CSMD1: variants seen among roughly 807,000 people sequenced by gnomAD.
CSMD1 encodes the protein CUB and sushi domain-containing protein 1.
In CSMD1, 213 loss-of-function variants were observed where a neutral mutation model predicts 417.5. The ratio of observed to expected loss-of-function variants is 0.51; its 90% CI spans 0.46 to 0.57. The LOEUF (loss-of-function observed/expected upper bound fraction) is 0.57. Ranked by LOEUF, CSMD1 falls within the 20% of genes least tolerant of loss-of-function variation. The probability of loss-of-function intolerance (pLI) is 0.00; values close to 1 mark genes in which losing one functional copy is unlikely to be tolerated. For missense variants in CSMD1, 6,923 were observed against 4,529.7 expected (o/e 1.53, Z -15.17); for synonymous variants, 2,862 against 1,736.8 (o/e 1.65, Z -16.11).
chr8:4,447,762 T>C (rs1312384575), intron 2 of CSMD1, among the ~76,000 whole-genome samples: 2 of 152,190 alleles, frequency 1.3e-5, no homozygotes, highest in East Asian at 1.9e-4. Flanking sequence ...CTTTTGCAGT[T>C]ATGTATCAAG....
At chr8:4,810,556 T>C (rs1385494723) in intron 1 of CSMD1, among the ~76,000 whole-genome samples, 1 of 152,178 alleles carries the variant, frequency 6.6e-6, no homozygotes, top group Non-Finnish European at 1.5e-5. Flanking sequence ...CGCGCGTATG[T>C]GTGTGTATGT....
chr8:4,613,692 A>G (rs576617487), intron 2 of CSMD1, among the ~76,000 whole-genome samples: 10 of 152,266 alleles, frequency 6.6e-5, no homozygotes, highest in East Asian at 3.9e-4. Context: ...ATCAAATGGC[A>G]GTAGTAAATC....
chr8:3,448,323 G>GGAAGGAAGAAGGGAGGGAGGGA (rs1563399741), intron 12 of CSMD1, among the ~76,000 whole-genome samples: 22 of 8,646 alleles, frequency 2.5e-3, no homozygotes, highest in South Asian at 8.5e-3. Flanking sequence ...AAGGAAGGAA[G>GGAAGGAAGAAGGGAGGGAGGGA]GGAGCAAGGG....
At chr8:4,491,376 T>C (rs1801690925) in intron 2 of CSMD1, among the ~76,000 whole-genome samples, 1 of 152,138 alleles carries the variant, frequency 6.6e-6, no homozygotes, top group Non-Finnish European at 1.5e-5. Context: ...ACATCCATTA[T>C]AGCGATCAGC....
intron 50 of CSMD1, among the ~76,000 whole-genome samples, chr8:3,050,797 A>G (rs981670699): frequency 2.6e-5 from 4 of 152,222 alleles, no homozygotes; most frequent in East Asian, 1.9e-4. Context: ...ATCTAAGTAT[A>G]TGGATATAAG....
chr8:4,490,799 G>A (rs1341454733), intron 2 of CSMD1, among the ~76,000 whole-genome samples: 1 of 152,158 alleles, frequency 6.6e-6, no homozygotes, highest in Non-Finnish European at 1.5e-5. Flanking sequence ...TTCAGTTCTA[G>A]GTGTTTCTGT....
chr8:4,215,724 G>C (rs1405427937), intron 3 of CSMD1, among the ~76,000 whole-genome samples: 1 of 152,008 alleles, frequency 6.6e-6, no homozygotes, highest in African/African-American at 2.4e-5. Flanking sequence ...ATGTACATGT[G>C]AATCTTCATG....
chr8:3,942,904 C>CT (rs745399545), intron 5 of CSMD1, among the ~76,000 whole-genome samples: 247 of 152,002 alleles, frequency 1.6e-3, no homozygotes, highest in Middle Eastern at 0.01. Context: ...CATTGTGATA[C>CT]TTTTTTTTGT....
chr8:4,147,584 C>T (rs889960231), intron 3 of CSMD1, among the ~76,000 whole-genome samples: 1 of 152,126 alleles, frequency 6.6e-6, no homozygotes, highest in Admixed American at 6.5e-5. Flanking sequence ...GATAATGACC[C>T]TAATAAATAA....
Position 3,852,361 on chromosome 8 carries a change from G to T in CSMD1, c.819-98319C>A, listed in dbSNP as rs189679180. ...CCGAAGGAAGCAGTGCAGGATAAGG[G>T]ACACCCTCTCTACTCCCAGCCAAGT... On this transcript the variant is annotated intron_variant, in intron 5 of 69. Coordinates refer to ENST00000635120, the MANE Select transcript of CSMD1 (RefSeq NM_033225.6). 3.1e-3 allele frequency among the ~76,000 whole-genome samples: 471 copies of T among 152,166 alleles called. 4 individuals are homozygous for T. The highest frequency in any genetic ancestry group is 4.0e-3 in the African/African-American group (166 of 41,524).
intron 7 of CSMD1, among the ~76,000 whole-genome samples, chr8:3,661,553 G>A (rs951859003): frequency 2.6e-5 from 4 of 152,080 alleles, no homozygotes; most frequent in African/African-American, 9.7e-5. Context: ...CTGCAGTGCG[G>A]TGGCACAATC....
chr8:3,611,040 C>G (rs1466664587), intron 8 of CSMD1, among the ~76,000 whole-genome samples: 1 of 130,530 alleles, frequency 7.7e-6, no homozygotes, highest in East Asian at 2.2e-4. Context: ...AATGAGAACA[C>G]ATGGACACAG....
intron 41 of CSMD1, among the ~76,000 whole-genome samples, chr8:3,119,826 C>G (rs1817092529): frequency 6.6e-6 from 1 of 152,128 alleles, no homozygotes; most frequent in African/African-American, 2.4e-5. Flanking sequence ...TCCGCCCTGC[C>G]ATGTAATTCT....
At chr8:3,453,607 T>A (rs188226891) in intron 12 of CSMD1, among the ~76,000 whole-genome samples, 23 of 152,368 alleles carry the variant, frequency 1.5e-4, no homozygotes, top group Admixed American at 9.8e-4. Flanking sequence ...TCAGTTTCCA[T>A]GTAACTGAGT....
chr8:4,366,640 T>C (rs1161943554), intron 3 of CSMD1, among the ~76,000 whole-genome samples: 1 of 152,176 alleles, frequency 6.6e-6, no homozygotes, highest in African/African-American at 2.4e-5. Context: ...TGAGAGATGG[T>C]ATCTCATCGT....
intron 5 of CSMD1, among the ~76,000 whole-genome samples, chr8:3,896,504 A>G (rs2129130778): frequency 6.6e-6 from 1 of 151,952 alleles, no homozygotes; most frequent in South Asian, 2.1e-4. Context: ...GAATATTATT[A>G]CTATTATTAT....
intron 12 of CSMD1, among the ~76,000 whole-genome samples, chr8:3,452,070 T>A (rs537785520): frequency 6.6e-6 from 1 of 152,332 alleles, no homozygotes; most frequent in East Asian, 1.9e-4. Flanking sequence ...TTTATTCTCT[T>A]TGAAGCAATT....
chr8:4,034,633 A>T (rs957799502), intron 3 of CSMD1, among the ~76,000 whole-genome samples: 8 of 152,220 alleles, frequency 5.3e-5, no homozygotes, highest in African/African-American at 1.2e-4. Context: ...AGTCAAAGAC[A>T]CACGTTGTAT....
intron 31 of CSMD1, 126 bp from the exon 32 acceptor site, chr8:3,201,851 T>G (rs1797008777): frequency 2.3e-6 from 1 of 439,598 alleles, no homozygotes; most frequent in Non-Finnish European, 4.0e-6. Context: ...GGTAAAAAAA[T>G]AAATATTAAC....
Sources: gnomAD v4.1 joint callset for allele counts (sites outside exome capture counted in the v4.1 genomes callset) on GRCh38, gnomAD v4.1.1 for gene constraint, MANE v1.5 for transcripts, NCBI Gene and HGNC (gene_info 2026-07-23, HGNC 2026-07-21) for gene names.